The following TMIGD3 variants were observed in gnomAD, a reference collection of about 807,000 sequenced individuals.
TMIGD3 encodes transmembrane and immunoglobulin domain containing 3.
Under a neutral mutation model 28.1 loss-of-function variants are expected in TMIGD3, and 21 were observed. The ratio of observed to expected loss-of-function variants is 0.75; its 90% confidence interval spans 0.53 to 1.08. The LOEUF is 1.08. Ranked by LOEUF, TMIGD3 falls within the 50% of genes least tolerant of loss-of-function variation. The pLI is 0.00. For synonymous variants in TMIGD3, 151 were observed against 162.1 expected (o/e 0.93, Z 0.52); for missense variants, 416 against 435.6 (o/e 0.96, Z 0.40).
intron 1 of TMIGD3, among the ~76,000 whole-genome samples, chr1:111,563,254 C>CA (rs1367209095): frequency 6.6e-6 from 1 of 151,756 alleles, no homozygotes; most frequent in Non-Finnish European, 1.5e-5. Flanking sequence ...ACAGCCAGGG[C>CA]AAAACAGTGA....
At chr1:111,517,324 A>G (rs1424482367) in intron 1 of TMIGD3, among the ~76,000 whole-genome samples, 10 of 151,726 alleles carry the variant, frequency 6.6e-5, no homozygotes. Flanking sequence ...TGGATTTAGC[A>G]GTAGTCAATG....
chr1:111,497,222 T>C (rs1252108957), intron 1 of TMIGD3, among the ~76,000 whole-genome samples: 1 of 152,168 alleles, frequency 6.6e-6, no homozygotes, highest in African/African-American at 2.4e-5. Context: ...ACCATTCTCC[T>C]GCCTCAGCCT....
chr1:111,545,136 A>G (rs886606903), intron 1 of TMIGD3, among the ~76,000 whole-genome samples: 1 of 152,090 alleles, frequency 6.6e-6, no homozygotes, highest in Non-Finnish European at 1.5e-5. Flanking sequence ...TCTTGGGTAT[A>G]TACCAAGAAG....
intron 1 of TMIGD3, among the ~76,000 whole-genome samples, chr1:111,559,103 A>G (rs891018648): frequency 6.6e-6 from 1 of 152,190 alleles, no homozygotes; most frequent in Non-Finnish European, 1.5e-5. Flanking sequence ...ACTTCTTTAG[A>G]ATTTGAAAAT....
At chr1:111,497,101 G>A (rs889678427) in intron 1 of TMIGD3, among the ~76,000 whole-genome samples, 1 of 152,114 alleles carries the variant, frequency 6.6e-6, no homozygotes, top group African/African-American at 2.4e-5. Flanking sequence ...GGAGATTCCT[G>A]TGACACTAAT....
intron 1 of TMIGD3, among the ~76,000 whole-genome samples, chr1:111,510,556 G>A (rs184675916): frequency 1.2e-4 from 18 of 152,198 alleles, no homozygotes; most frequent in African/African-American, 4.3e-4. Context: ...AGCCAGGAGT[G>A]TCAGAGCCGA....
intron 1 of TMIGD3, among the ~76,000 whole-genome samples, chr1:111,541,733 A>T (rs1022579656): frequency 6.6e-6 from 1 of 152,132 alleles, no homozygotes; most frequent in African/African-American, 2.4e-5. Flanking sequence ...GCTAAAGCAG[A>T]CCCTAAGAAA....
At position 111,494,466 on chromosome 1, in the gene TMIGD3, C is replaced by T. The variant is rs574562146; in HGVS notation, c.351-3704G>A. Among the ~76,000 whole-genome samples the T allele has an allele frequency of 2.0e-5, 3 of 152,254 alleles. No homozygotes were observed. In the East Asian group the frequency reaches 5.8e-4, roughly 29 times the overall value. ...AGGAATGCAATCCCATTCACAATTG[C>T]CACAAAAGAATAAAATACCTAGGAA... On this transcript the variant is annotated intron_variant, in intron 1 of 5. Transcript: ENST00000369716.
At chr1:111,488,117 T>A (rs914353372) in intron 3 of TMIGD3, among the ~76,000 whole-genome samples, 4 of 152,276 alleles carry the variant, frequency 2.6e-5, no homozygotes, top group Middle Eastern at 3.4e-3. Context: ...CTCCGTATAC[T>A]ATTAAATTAT....
intron 1 of TMIGD3, among the ~76,000 whole-genome samples, chr1:111,515,306 G>A (rs149944716): frequency 9.8e-4 from 149 of 152,262 alleles, no homozygotes; most frequent in East Asian, 4.4e-3. Context: ...CACTGGGGTC[G>A]CTGAACCAGA....
At chr1:111,562,980 T>A (rs551099315) in intron 1 of TMIGD3, among the ~76,000 whole-genome samples, 1 of 152,252 alleles carries the variant, frequency 6.6e-6, no homozygotes, top group Non-Finnish European at 1.5e-5. Flanking sequence ...AGATTATCTT[T>A]TGAAATTCTC....
At chr1:111,518,415 T>C (rs1291958492) in intron 1 of TMIGD3, among the ~76,000 whole-genome samples, 1 of 152,264 alleles carries the variant, frequency 6.6e-6, no homozygotes, top group African/African-American at 2.4e-5. Flanking sequence ...CACTGTAGGA[T>C]GTTTAGCAGT....
chr1:111,497,403 C>T (rs1156980102), intron 1 of TMIGD3, among the ~76,000 whole-genome samples: 1 of 152,224 alleles, frequency 6.6e-6, no homozygotes, highest in African/African-American at 2.4e-5. Flanking sequence ...AGCCACTGCA[C>T]CCGGCTCCTG....
At chr1:111,548,062 C>T (rs1657103321) in intron 1 of TMIGD3, among the ~76,000 whole-genome samples, 1 of 152,166 alleles carries the variant, frequency 6.6e-6, no homozygotes, top group Admixed American at 6.5e-5. Flanking sequence ...ACTCTGTTGC[C>T]CAGGCTGGTG....
chr1:111,538,316 A>C (rs1359860130), intron 1 of TMIGD3, among the ~76,000 whole-genome samples: 3 of 152,186 alleles, frequency 2.0e-5, no homozygotes, highest in Non-Finnish European at 4.4e-5. Flanking sequence ...GGGGCATTTG[A>C]GCTGGGAAGT....
chr1:111,502,192 T>TTC (rs10686710), intron 1 of TMIGD3, among the ~76,000 whole-genome samples: 445 of 21,866 alleles, frequency 0.02, 40 homozygotes, highest in African/African-American at 0.048. Flanking sequence ...AGGATATATA[T>TTC]ATTATAATAA....
intron 1 of TMIGD3, among the ~76,000 whole-genome samples, chr1:111,555,592 G>A (rs921620441): frequency 6.6e-6 from 1 of 151,918 alleles, no homozygotes; most frequent in African/African-American, 2.4e-5. Flanking sequence ...TAAGAAACAT[G>A]GAGAATGAAG....
intron 1 of TMIGD3, among the ~76,000 whole-genome samples, chr1:111,523,862 G>A (rs999054140): frequency 2.4e-4 from 36 of 151,376 alleles, no homozygotes; most frequent in African/African-American, 8.5e-4. Flanking sequence ...ATCAGACTAA[G>A]GTTTATCAAT....
At chr1:111,549,372 G>T (rs551780512) in intron 1 of TMIGD3, among the ~76,000 whole-genome samples, 2 of 150,262 alleles carry the variant, frequency 1.3e-5, no homozygotes, top group Non-Finnish European at 3.0e-5. Context: ...GGTCGGGCTG[G>T]GCACGGTGGC....
Sources: gnomAD v4.1 joint callset for allele counts (sites outside exome capture counted in the v4.1 genomes callset) on GRCh38, gnomAD v4.1.1 for gene constraint, MANE v1.5 for transcripts, NCBI Gene and HGNC (gene_info 2026-07-23, HGNC 2026-07-21) for gene names.